The following KDM4B variants were observed in gnomAD, a reference collection of about 807,000 sequenced individuals.
The protein encoded by KDM4B is lysine-specific demethylase 4B.
Under a neutral mutation model 125.2 loss-of-function variants are expected in KDM4B, and 32 were observed. The observed-to-expected ratio is 0.26, with a 90% CI of 0.19 to 0.34. KDM4B has a LOEUF of 0.34. Ranked by LOEUF, KDM4B falls within the 10% of genes least tolerant of loss-of-function variation. The probability of loss-of-function intolerance (pLI) is 1.00; values close to 1 mark genes in which losing one functional copy is unlikely to be tolerated. For synonymous variants in KDM4B, 721 were observed against 677.9 expected (o/e 1.06, Z -0.99); for missense variants, 1,190 against 1,577.7 (o/e 0.75, Z 4.16).
At chr19:5,080,928 G>C (rs750272515) in intron 8 of KDM4B, 2 of 152,238 alleles carry the variant, frequency 1.3e-5, no homozygotes, top group African/African-American at 4.8e-5. Context: ...ACGCACGCCA[G>C]GTGGAAGACA....
chr19:5,151,194 G>T (rs1039182881), intron 22 of KDM4B, 141 bp from the exon 23 acceptor site: 2 of 722,494 alleles, frequency 2.8e-6, no homozygotes, highest in Non-Finnish European at 3.9e-6. Context: ...TTACAAACAC[G>T]AAAACAGGAG....
rs989493434 is a variant in KDM4B at position 5,034,266 on chromosome 19, A to G, written c.141+1235A>G. On this transcript the variant is annotated intron_variant, in intron 3 of 22. Transcript: ENST00000159111. ...GCTCACCCCTCAGTTTGGAAGATGA[A>G]TCGTCGTTGCATTTTGGGTTCTTCC... is the stretch of plus-strand genomic sequence containing the variant. Among the ~76,000 whole-genome samples the G allele has an allele frequency of 4.6e-5, 7 of 152,320 alleles. No homozygotes were observed. The East Asian group carries it at 1.2e-3, about 25-fold the overall frequency.
chr19:5,121,524 A>G (rs72991754), intron 11 of KDM4B, among the ~76,000 whole-genome samples: 345 of 152,146 alleles, frequency 2.3e-3, no homozygotes, highest in Non-Finnish European at 4.1e-3. Context: ...AGGCACAGAA[A>G]CCCAATCTCG....
chr19:5,000,042 A>C (rs1239092195), intron 1 of KDM4B, among the ~76,000 whole-genome samples: 57 of 29,244 alleles, frequency 1.9e-3, no homozygotes, highest in East Asian at 2.3e-3. Flanking sequence ...TCCACCCACC[A>C]ATCCCATTTA....
At chr19:5,137,459 C>A in intron 16 of KDM4B, 121 bp downstream of exon 16, 2 of 1,223,340 alleles carry the variant, frequency 1.6e-6, no homozygotes, top group Non-Finnish European at 2.3e-6. Context: ...CACCTCTGCC[C>A]TGAGGGGGTG....
At chr19:5,012,800 G>A (rs898129961) in intron 1 of KDM4B, among the ~76,000 whole-genome samples, 3 of 152,204 alleles carry the variant, frequency 2.0e-5, no homozygotes, top group African/African-American at 4.8e-5. Flanking sequence ...CTGCCCTGAC[G>A]GCGTAGCTGC....
Position 5,082,624 on chromosome 19 carries a change from T to TGAG in KDM4B, c.918+120_918+121insGAG. On this transcript the variant is annotated intron_variant, in intron 9 of 22. Coordinates refer to ENST00000159111, the MANE Select transcript of KDM4B (RefSeq NM_015015.3). This position sits in a 1 kb window ranked among gnomAD's most constrained non-coding sequence, Gnocchi z 5.4. ...GTTTCGCTCAGCCCAGGGCCTGGGC[T>TGAG]CTCAACCAGGGTCTGATTCTGGGCT... The TGAG allele has an allele frequency of 8.9e-7, 1 of 1,122,084 alleles. No individual in the cohort carries two copies. The highest frequency in any genetic ancestry group is 1.2e-6 in the Non-Finnish European group (1 of 811,524). The allele number at this position is 1,122,084 out of a possible 1,614,324, so 69.5% of individuals were successfully genotyped here. A position where few individuals can be genotyped will look rare whatever the true frequency, so the allele number is the denominator to read the frequency against.
intron 1 of KDM4B, among the ~76,000 whole-genome samples, chr19:4,970,255 A>C (rs1419963373): frequency 2.6e-5 from 4 of 152,198 alleles, no homozygotes; most frequent in African/African-American, 4.8e-5. Context: ...GGTGCATCCC[A>C]TCTGTTTGCT....
At chr19:4,975,978 G>A (rs1209960947) in intron 1 of KDM4B, among the ~76,000 whole-genome samples, 2 of 151,428 alleles carry the variant, frequency 1.3e-5, no homozygotes, top group African/African-American at 2.4e-5. Flanking sequence ...GGCCGGGTGC[G>A]GTGGCTCACG....
chr19:5,068,231 CCT>C (rs1240186070), intron 6 of KDM4B, among the ~76,000 whole-genome samples: 2 of 152,168 alleles, frequency 1.3e-5, no homozygotes, highest in African/African-American at 2.4e-5. Flanking sequence ...CTGAGACGCC[CCT>C]CTGGGAGGCC....
At position 5,077,060 on chromosome 19, in the gene KDM4B, T is replaced by C. The variant is rs532780520; in HGVS notation, c.677-307T>C. 7.8e-4 allele frequency: 291 copies of C among 373,172 alleles called. 2 individuals are homozygous for C. Among genetic ancestry groups the C allele is most frequent in the African/African-American group, 5.4e-3 (263 of 48,628 alleles). 23.1% of individuals were successfully genotyped at this position (373,172 alleles called of 1,614,324 possible). On this transcript the variant is annotated intron_variant, in intron 7 of 22. Transcript: ENST00000159111. ...TGAGGAGGCCCTTGGCTGCCCCTGCTGCTGGGCAGAGACGAGACCAGGCAT... is the reference window on the plus strand; with the variant it reads ...TGAGGAGGCCCTTGGCTGCCCCTGCCGCTGGGCAGAGACGAGACCAGGCAT...
intron 9 of KDM4B, among the ~76,000 whole-genome samples, chr19:5,108,271 G>A (rs1599201628): frequency 2.0e-5 from 3 of 152,232 alleles, no homozygotes; most frequent in South Asian, 2.1e-4. Context: ...AGTCTGAAAC[G>A]CCGGCACCAT....
At position 5,119,847 on chromosome 19, in the gene KDM4B, CAGA is replaced by C. The variant is rs1271182898; in HGVS notation, c.1313_1315del (p.Glu439del). The C allele has an allele frequency of 7.8e-6, 12 of 1,546,238 alleles. No individual in the cohort carries two copies. Among genetic ancestry groups the C allele is most frequent in the Admixed American group, 5.9e-5 (3 of 50,688 alleles). On this transcript the variant is annotated inframe_deletion and splice_region_variant, in exon 11 of 23. Coordinates refer to ENST00000159111, the MANE Select transcript of KDM4B (RefSeq NM_015015.3). The stretch of plus-strand genomic sequence containing the variant: ...CCACACGGCCGGGAGGCCGAGGGCG[CAGA>C]AGGTCAGTCCCTGCCGGGCCAGGCC...
At chr19:5,051,625 C>T (rs2037226393) in intron 6 of KDM4B, among the ~76,000 whole-genome samples, 3 of 152,334 alleles carry the variant, frequency 2.0e-5, no homozygotes, top group Admixed American at 2.0e-4. Flanking sequence ...GCGGGGCCAG[C>T]GCAGGTGCGT....
At chr19:5,069,081 C>G (rs1445273546) in intron 6 of KDM4B, among the ~76,000 whole-genome samples, 1 of 152,110 alleles carries the variant, frequency 6.6e-6, no homozygotes, top group Non-Finnish European at 1.5e-5. Flanking sequence ...AATTTCTCAT[C>G]TTTATGTAAA....
Position 5,152,949 on chromosome 19 carries a change from GGT to G in KDM4B, c.*1440_*1441del, listed in dbSNP as rs1005608348. On this transcript the variant is annotated 3_prime_UTR_variant, in exon 23 of 23. Transcript: ENST00000159111. ...TGGTCCCAGCTACTCGGGAGGCTGT[GGT>G]GGGAGGATTGCTTGAGTCCAGGAGG... 1 of 152,426 alleles carries G rather than the reference GGT, an allele frequency of 6.6e-6. No individual in the cohort carries two copies. Among genetic ancestry groups the G allele is most frequent in the African/African-American group, 2.4e-5 (1 of 41,428 alleles). The allele number at this position is 152,426 out of a possible 1,614,324, so 9.4% of individuals were successfully genotyped here. A position where few individuals can be genotyped will look rare whatever the true frequency, so the allele number is the denominator to read the frequency against.
intron 1 of KDM4B, among the ~76,000 whole-genome samples, chr19:5,014,610 T>C (rs2145507747): frequency 6.6e-6 from 1 of 152,292 alleles, no homozygotes; most frequent in Admixed American, 6.5e-5. Context: ...AGAGTCTCAC[T>C]ATGTTGGCCA....
chr19:5,142,611 C>T lies in KDM4B; in HGVS notation c.2551-1356C>T, dbSNP rs568676075. The stretch of plus-strand genomic sequence containing the variant: ...TGTGGGTGACGTGTTCAAGACGGCT[C>T]AGCAACCCCACCTGACAGTGTCCAG... On this transcript the variant is annotated intron_variant, in intron 18 of 22. Coordinates refer to ENST00000159111, the MANE Select transcript of KDM4B (RefSeq NM_015015.3). The surrounding 1 kb of genome is among the most constrained non-coding windows in gnomAD (Gnocchi z 5.4). Among the ~76,000 whole-genome samples the T allele has an allele frequency of 2.2e-4, 33 of 152,142 alleles. No homozygotes were observed. Among genetic ancestry groups the T allele is most frequent in the Non-Finnish European group, 1.6e-4 (11 of 67,958 alleles).
intron 9 of KDM4B, among the ~76,000 whole-genome samples, chr19:5,086,727 G>A (rs185613904): frequency 1.3e-5 from 2 of 152,150 alleles, no homozygotes; most frequent in Non-Finnish European, 2.9e-5. Context: ...ACCACACCTC[G>A]AGCCAGTGCA....
Sources: allele counts gnomAD v4.1 joint callset (sites outside exome capture counted in the v4.1 genomes callset), GRCh38; gene constraint gnomAD v4.1.1; non-coding constraint Gnocchi (gnomAD v3.1); transcripts MANE v1.5; gene names NCBI Gene and HGNC (gene_info 2026-07-23, HGNC 2026-07-21).